The following SGK3 variants were observed in gnomAD, a reference collection of about 807,000 sequenced individuals.
The protein encoded by SGK3 is serine/threonine-protein kinase Sgk3.
A neutral mutation model predicts 68.5 loss-of-function variants in SGK3; 47 were observed. The observed-to-expected ratio is 0.69, with a 90% CI of 0.54 to 0.87. The LOEUF (loss-of-function observed/expected upper bound fraction) is 0.87. Ranked by LOEUF, SGK3 falls within the 40% of genes least tolerant of loss-of-function variation. The pLI is 0.00. For missense variants in SGK3, 479 were observed against 575.5 expected (o/e 0.83, Z 1.72); for synonymous variants, 181 against 189.1 (o/e 0.96, Z 0.35).
At chr8:66,840,844 A>G in intron 12 of SGK3, 180 bp from the exon 13 acceptor site, 1 of 353,158 alleles carries the variant, frequency 2.8e-6, no homozygotes, top group Admixed American at 4.7e-5. Context: ...CAGGAGACTG[A>G]AGCATGAGAA....
chr8:66,775,471 G>A (rs1028530624), intron 1 of SGK3: 1 of 152,402 alleles, frequency 6.6e-6, no homozygotes, highest in Non-Finnish European at 1.5e-5. Context: ...CACGAGCGCG[G>A]GGCGGGGCGC....
intron 1 of SGK3, among the ~76,000 whole-genome samples, chr8:66,772,591 C>T (rs1327455609): frequency 8.9e-5 from 13 of 145,272 alleles, no homozygotes; most frequent in African/African-American, 2.6e-4. Flanking sequence ...GACAGAGTCT[C>T]GCTCTGTCGC....
In SGK3 at chr8:66,861,688, G is replaced by T. The variant is rs1421157179; in HGVS notation, c.*2107G>T. On this transcript the variant is annotated 3_prime_UTR_variant, in exon 17 of 17. Coordinates refer to ENST00000521198, the MANE Select transcript of SGK3 (RefSeq NM_001033578.3). ...TTGGCTTAAAATGTTCAGCAGAATTGGGCAGTGGGGGTGACTTTTCTTATA... is the reference window on the plus strand; with the variant it reads ...TTGGCTTAAAATGTTCAGCAGAATTTGGCAGTGGGGGTGACTTTTCTTATA... 4 of 152,080 alleles carry T rather than the reference G, an allele frequency of 2.6e-5. No individual in the cohort carries two copies. Among genetic ancestry groups the T allele is most frequent in the African/African-American group, 9.7e-5 (4 of 41,408 alleles). 9.4% of individuals were successfully genotyped at this position (152,080 alleles called of 1,614,324 possible).
At chr8:66,745,467 G>C (rs916058549) in intron 1 of SGK3, among the ~76,000 whole-genome samples, 6 of 152,028 alleles carry the variant, frequency 3.9e-5, no homozygotes, top group Admixed American at 1.3e-4. Flanking sequence ...CCAGCTACTC[G>C]GGAGGCTGAG....
Position 66,789,049 on chromosome 8 carries a change from A to T in SGK3, c.-121-4567A>T, listed in dbSNP as rs1180699457. Among the ~76,000 whole-genome samples the T allele has an allele frequency of 5.9e-5, 9 of 151,764 alleles. No individual in the cohort carries two copies. The East Asian group carries it at 1.4e-3, about 23-fold the overall frequency. ...AATTTGCATCTCATTGTCCTTACTG[A>T]TGGTGATAGAAAAGAAGGCATTTGC... On this transcript the variant is annotated intron_variant, in intron 1 of 16. Coordinates refer to ENST00000521198, the MANE Select transcript of SGK3 (RefSeq NM_001033578.3).
chr8:66,739,803 CCTT>C (rs1296735627), intron 1 of SGK3, among the ~76,000 whole-genome samples: 1 of 152,196 alleles, frequency 6.6e-6, no homozygotes, highest in African/African-American at 2.4e-5. Flanking sequence ...GCAAACATGT[CCTT>C]CTTCACATGG....
At chr8:66,838,774 A>G (rs72654910) in intron 10 of SGK3, among the ~76,000 whole-genome samples, 3 of 152,294 alleles carry the variant, frequency 2.0e-5, no homozygotes, top group Non-Finnish European at 2.9e-5. Flanking sequence ...AGGGTTAAAG[A>G]TGAGGAGAAA....
chr8:66,780,831 A>T (rs1806943982), intron 1 of SGK3, among the ~76,000 whole-genome samples: 1 of 152,216 alleles, frequency 6.6e-6, no homozygotes, highest in Non-Finnish European at 1.5e-5. Context: ...TATCAGATTT[A>T]CAGTGATAAA....
chr8:66,785,712 G>A (rs1427864019), intron 1 of SGK3, among the ~76,000 whole-genome samples: 1 of 152,106 alleles, frequency 6.6e-6, no homozygotes, highest in Admixed American at 6.6e-5. Flanking sequence ...CCTAAGATTT[G>A]GCTGGCCTTG....
Position 66,835,834 on chromosome 8 carries a change from C to T in SGK3, c.597C>T (p.Leu199=). ...AVKVLQKKIV[L]NRKEQKHIMA... ...AAGTGTTACAGAAAAAAATAGTTCT[C>T]AACAGAAAAGAGGTAAAATAAAATA... The change falls in exon 9 of 17, where the codon CTC becomes CTT. Residue 199 remains leucine (L), a synonymous_variant. Transcript: ENST00000521198. The T allele has an allele frequency of 6.2e-7, 1 of 1,609,648 alleles. No individual in the cohort carries two copies. The highest frequency in any genetic ancestry group is 8.5e-7 in the Non-Finnish European group (1 of 1,179,038).
intron 1 of SGK3, among the ~76,000 whole-genome samples, chr8:66,754,386 A>T (rs1284172971): frequency 6.6e-6 from 1 of 152,180 alleles, no homozygotes; most frequent in Non-Finnish European, 1.5e-5. Context: ...TTAAGACTCT[A>T]CCCGCTTAAT....
intron 6 of SGK3, among the ~76,000 whole-genome samples, chr8:66,827,876 C>CACA (rs1374903304): frequency 6.6e-6 from 1 of 152,126 alleles, no homozygotes; most frequent in African/African-American, 2.4e-5. Flanking sequence ...GTAATCCCAG[C>CACA]ACTTTGGGAG....
Position 66,779,561 on chromosome 8 carries a change from AATATATATATATATATAT to A in SGK3, c.-121-14031_-121-14014del, listed in dbSNP as rs200618083. 9.1e-3 allele frequency among the ~76,000 whole-genome samples: 814 copies of A among 89,394 alleles called. 12 individuals are homozygous for A. Among genetic ancestry groups the A allele is most frequent in the African/African-American group, 0.031 (683 of 21,734 alleles). The allele number at this position is 89,394 out of a possible 152,430, so 58.6% of individuals were successfully genotyped here. On this transcript the variant is annotated intron_variant, in intron 1 of 16. Transcript: ENST00000521198. The stretch of plus-strand genomic sequence containing the variant: ...ATATATATGTATATGTATGTGTGTG[AATATATATATATATATAT>A]ATATATATATATATATATATATAAA...
intron 6 of SGK3, among the ~76,000 whole-genome samples, chr8:66,827,549 T>A (rs1809115743): frequency 6.6e-6 from 1 of 152,204 alleles, no homozygotes; most frequent in South Asian, 2.1e-4. Flanking sequence ...TCTGAATGTA[T>A]AAAGAGGTTT....
chr8:66,745,498 C>T (rs565434011), intron 1 of SGK3, among the ~76,000 whole-genome samples: 374 of 152,048 alleles, frequency 2.5e-3, no homozygotes, highest in Non-Finnish European at 3.7e-3. Flanking sequence ...GGCATGAACC[C>T]GGGAGGAGGA....
rs1585790743 is a variant in SGK3 at position 66,835,984 on chromosome 8, T to C, written c.651T>C (p.Asn217=). The change falls in exon 10 of 17, where the codon AAT becomes AAC. Residue 217 remains asparagine (N), a synonymous_variant. Coordinates refer to ENST00000521198, the MANE Select transcript of SGK3 (RefSeq NM_001033578.3). ...IMAERNVLLK[N]VKHPFLVGLH... is the part of the protein sequence containing the mutation. ...CTGAACGTAATGTGCTCTTGAAAAATGTGAAACATCCGTTTTTGGTTGGAT... is the reference window on the plus strand; with the variant it reads ...CTGAACGTAATGTGCTCTTGAAAAACGTGAAACATCCGTTTTTGGTTGGAT... 2 of 1,613,734 alleles carry C rather than the reference T, an allele frequency of 1.2e-6. No individual in the cohort carries two copies. Among genetic ancestry groups the C allele is most frequent in the East Asian group, 4.5e-5 (2 of 44,788 alleles).
intron 14 of SGK3, among the ~76,000 whole-genome samples, 188 bp from the exon 15 acceptor site, chr8:66,847,005 T>C (rs112066124): frequency 4.6e-5 from 7 of 152,214 alleles, no homozygotes; most frequent in Admixed American, 2.0e-4. Context: ...TGAACACTTA[T>C]TAAGCTCTGT....
chr8:66,760,863 T>C (rs1366161188), intron 1 of SGK3, among the ~76,000 whole-genome samples: 4 of 151,962 alleles, frequency 2.6e-5, no homozygotes, highest in African/African-American at 4.8e-5. Flanking sequence ...TATAAAGAAA[T>C]GTACTAAGCC....
intron 1 of SGK3, among the ~76,000 whole-genome samples, chr8:66,785,902 TCTGA>T (rs1807179625): frequency 6.6e-6 from 1 of 152,360 alleles, no homozygotes; most frequent in Non-Finnish European, 1.5e-5. Flanking sequence ...AAAATTATCT[TCTGA>T]CTGTCTAGCA....
Sources: allele counts gnomAD v4.1 joint callset (sites outside exome capture counted in the v4.1 genomes callset), GRCh38; gene constraint gnomAD v4.1.1; transcripts MANE v1.5; gene names NCBI Gene and HGNC (gene_info 2026-07-23, HGNC 2026-07-21).